Variants in ASTN2 observed in about 807,000 individuals in gnomAD.
The protein encoded by ASTN2 is astrotactin 2, also known as astrotactin-2.
Under a neutral mutation model 139.8 loss-of-function variants are expected in ASTN2, and 54 were observed. The ratio of observed to expected loss-of-function variants is 0.39; its 90% confidence interval spans 0.31 to 0.48. ASTN2 has a LOEUF of 0.48. Ranked by LOEUF, ASTN2 falls within the 20% of genes least tolerant of loss-of-function variation. The pLI is 0.95. For synonymous variants in ASTN2, 756 were observed against 719.5 expected (o/e 1.05, Z -0.81); for missense variants, 1,565 against 1,725.1 (o/e 0.91, Z 1.64).
At chr9:117,021,159 T>C (rs76963474) in intron 6 of ASTN2, among the ~76,000 whole-genome samples, 8,008 of 152,192 alleles carry the variant, frequency 0.053, 516 homozygotes, top group African/African-American at 0.16. Context: ...CCTCCTGTCT[T>C]GGCCTCCTAA....
At chr9:116,942,818 C>T (rs1392419953) in intron 10 of ASTN2, among the ~76,000 whole-genome samples, 2 of 152,188 alleles carry the variant, frequency 1.3e-5, no homozygotes, top group Non-Finnish European at 2.9e-5. Flanking sequence ...TCAGGGAACA[C>T]CAGTCAGCCT....
chr9:117,252,228 C>T (rs1025545579), intron 2 of ASTN2, among the ~76,000 whole-genome samples: 1 of 152,148 alleles, frequency 6.6e-6, no homozygotes, highest in Non-Finnish European at 1.5e-5. Context: ...CAGTAGGATG[C>T]CCCCGAAAGT....
chr9:116,556,561 A>G (rs1022616335), intron 19 of ASTN2, among the ~76,000 whole-genome samples: 2 of 152,224 alleles, frequency 1.3e-5, no homozygotes, highest in African/African-American at 4.8e-5. Context: ...TGTTTCATAC[A>G]TCGGAATTTT....
chr9:116,571,990 T>C (rs918420197), intron 19 of ASTN2, among the ~76,000 whole-genome samples: 2 of 152,138 alleles, frequency 1.3e-5, no homozygotes, highest in Admixed American at 6.5e-5. Context: ...ATGGGATGGA[T>C]TGCATTCATT....
rs548431925 is a variant in ASTN2 at position 116,742,203 on chromosome 9, A to T, written c.2397-8680T>A. 1.1e-4 allele frequency among the ~76,000 whole-genome samples: 16 copies of T among 152,352 alleles called. No homozygotes were observed. In the South Asian group the frequency reaches 3.3e-3, roughly 32 times the overall value. ...TTGACTTTGCAGTGTTTCAAGCTGG[A>T]CAATAGTTTCAAAACCCAGCCTGTG... is the stretch of plus-strand genomic sequence containing the variant. On this transcript the variant is annotated intron_variant, in intron 13 of 22. Transcript: ENST00000313400.
intron 2 of ASTN2, among the ~76,000 whole-genome samples, chr9:117,223,431 G>C (rs1224757377): frequency 6.6e-6 from 1 of 152,176 alleles, no homozygotes; most frequent in Admixed American, 6.5e-5. Context: ...CCTAGTCTAA[G>C]AGAGATGATG....
chr9:117,237,309 G>A lies in ASTN2; in HGVS notation c.631-22567C>T, dbSNP rs368500381. Among the ~76,000 whole-genome samples the A allele has an allele frequency of 5.8e-4, 88 of 152,234 alleles. No homozygotes were observed. The South Asian group carries it at 0.016, about 27-fold the overall frequency. Reference sequence around the variant, plus strand: ...TTAGAATATTTGGTCAAGGTTGTTGGAAGCAGGTCTGAGTTCTTGCCCTCC... The same window carrying A: ...TTAGAATATTTGGTCAAGGTTGTTGAAAGCAGGTCTGAGTTCTTGCCCTCC... On this transcript the variant is annotated intron_variant, in intron 2 of 22. Transcript: ENST00000313400.
intron 1 of ASTN2, among the ~76,000 whole-genome samples, chr9:117,303,305 G>A (rs1834921075): frequency 6.6e-6 from 1 of 152,116 alleles, no homozygotes; most frequent in Admixed American, 6.6e-5. Flanking sequence ...CAAGTAAAGA[G>A]GACAGCATGG....
intron 1 of ASTN2, among the ~76,000 whole-genome samples, chr9:117,307,780 A>C (rs972189943): frequency 1.3e-5 from 2 of 152,194 alleles, no homozygotes. Context: ...ACATGGGTAC[A>C]TAAATGACAT....
intron 19 of ASTN2, among the ~76,000 whole-genome samples, chr9:116,579,833 C>CT (rs929624111): frequency 8.6e-5 from 13 of 151,808 alleles, no homozygotes; most frequent in East Asian, 5.8e-4. Context: ...GTCACATTAT[C>CT]TTTTTTTTTG....
At chr9:117,013,111 C>T (rs1190803506) in intron 6 of ASTN2, among the ~76,000 whole-genome samples, 1 of 151,970 alleles carries the variant, frequency 6.6e-6, no homozygotes, top group Non-Finnish European at 1.5e-5. Flanking sequence ...ACAATCACTG[C>T]CATGCTTAGG....
At chr9:116,866,647 C>T (rs1833018764) in intron 10 of ASTN2, among the ~76,000 whole-genome samples, 1 of 152,012 alleles carries the variant, frequency 6.6e-6, no homozygotes, top group Admixed American at 6.6e-5. Context: ...TGGCTCACAC[C>T]TGTAATCCCA....
At chr9:117,248,314 A>C (rs1216371501) in intron 2 of ASTN2, among the ~76,000 whole-genome samples, 1 of 152,230 alleles carries the variant, frequency 6.6e-6, no homozygotes, top group Non-Finnish European at 1.5e-5. Context: ...CTGAAATGTG[A>C]GTTGAGTCAA....
chr9:117,301,473 G>C (rs1834873900), intron 1 of ASTN2, among the ~76,000 whole-genome samples: 2 of 152,212 alleles, frequency 1.3e-5, no homozygotes, highest in Non-Finnish European at 2.9e-5. Flanking sequence ...AAAGTAGATA[G>C]TAGAACACCG....
chr9:116,901,047 T>G (rs554302112), intron 10 of ASTN2, among the ~76,000 whole-genome samples: 44 of 152,192 alleles, frequency 2.9e-4, no homozygotes, highest in Non-Finnish European at 5.1e-4. Context: ...GTGGTTGCAA[T>G]TTTACCTAAA....
intron 20 of ASTN2, among the ~76,000 whole-genome samples, chr9:116,485,002 T>C (rs150120404): frequency 2.0e-3 from 302 of 152,308 alleles, no homozygotes; most frequent in African/African-American, 7.0e-3. Flanking sequence ...GGTTACTCCT[T>C]CTGTATTAGT....
At chr9:117,008,497 A>C (rs1837423831) in intron 6 of ASTN2, among the ~76,000 whole-genome samples, 1 of 152,114 alleles carries the variant, frequency 6.6e-6, no homozygotes, top group Non-Finnish European at 1.5e-5. Context: ...ACTGAGAGGG[A>C]AGTAGGGTCA....
intron 19 of ASTN2, among the ~76,000 whole-genome samples, chr9:116,575,745 C>G (rs1241742147): frequency 1.3e-5 from 2 of 152,118 alleles, no homozygotes; most frequent in Non-Finnish European, 2.9e-5. Flanking sequence ...ATTTTCCCCT[C>G]AAAATATTGA....
intron 17 of ASTN2, among the ~76,000 whole-genome samples, chr9:116,628,269 G>T (rs1025143986): frequency 6.6e-6 from 1 of 152,184 alleles, no homozygotes; most frequent in African/African-American, 2.4e-5. Context: ...TACAGAGCAT[G>T]AAAAGAGTAA....
Sources: gnomAD v4.1 joint callset for allele counts (sites outside exome capture counted in the v4.1 genomes callset) on GRCh38, gnomAD v4.1.1 for gene constraint, MANE v1.5 for transcripts, NCBI Gene and HGNC (gene_info 2026-07-23, HGNC 2026-07-21) for gene names.